The following STRN4 variants were observed in gnomAD, a reference collection of about 807,000 sequenced individuals.
The protein encoded by STRN4 is striatin-4.
Under a neutral mutation model 77.9 loss-of-function variants are expected in STRN4, and 27 were observed. The observed-to-expected ratio is 0.35, with a 90% CI of 0.26 to 0.48. STRN4 has a LOEUF of 0.48. STRN4 is among the 20% of genes least tolerant of loss of function. The pLI is 0.99. For synonymous variants in STRN4, 466 were observed against 443.1 expected, an observed-to-expected ratio of 1.05 and a Z score of -0.65; for missense variants, 798 against 1,049.7, an observed-to-expected ratio of 0.76 and a Z score of 3.31.
At chr19:46,721,183 T>C (rs973102600) in intron 16 of STRN4, 3 of 159,678 alleles carry the variant, frequency 1.9e-5, no homozygotes, top group Non-Finnish European at 4.1e-5. Flanking sequence ...GCGGGAAAGG[T>C]CCTGAGGCAG....
At chr19:46,736,647 C>T (rs1336969880) in intron 4 of STRN4, among the ~76,000 whole-genome samples, 176 bp downstream of exon 4, 1 of 152,028 alleles carries the variant, frequency 6.6e-6, no homozygotes, top group East Asian at 1.9e-4. Flanking sequence ...GGTTTCCCTC[C>T]CTCTCCCCAG....
chr19:46,738,703 G>A lies in STRN4; in HGVS notation c.386+82C>T. 3.1e-6 allele frequency: 4 copies of A among 1,298,458 alleles called. No individual in the cohort carries two copies. The highest frequency in any genetic ancestry group is 2.3e-5 in the East Asian group (1 of 43,360). 80.4% of individuals were successfully genotyped at this position (1,298,458 alleles called of 1,614,324 possible). A position where few individuals can be genotyped will look rare whatever the true frequency, so the allele number is the denominator to read the frequency against. On this transcript the variant is annotated intron_variant, in intron 2 of 17. Transcript: ENST00000263280. This position sits in a 1 kb window ranked among gnomAD's most constrained non-coding sequence, Gnocchi z 4.5. ...GTCGACCCCAAATCTCCCTTAGCTG[G>A]AAGGAGGCGTGGCTGGTGGCCTCCT...
intron 6 of STRN4, among the ~76,000 whole-genome samples, chr19:46,729,115 A>G (rs987409212): frequency 1.3e-5 from 2 of 152,244 alleles, no homozygotes; most frequent in African/African-American, 4.8e-5. Flanking sequence ...CCGTGTGTGA[A>G]TATACGGAGG....
Position 46,738,895 on chromosome 19 carries a change from G to A in STRN4, c.283-7C>T, listed in dbSNP as rs34301473. 130,593 of 1,612,790 alleles carry A rather than the reference G, an allele frequency of 0.081. 5,601 individuals carry two copies. The highest frequency in any genetic ancestry group is 0.1 in the East Asian group (4,654 of 44,878). The stretch of plus-strand genomic sequence containing the variant: ...GAAGGAAGGCCACCTGAGCCTGGGA[G>A]GGCAGACAGGAGGCAAAGGGAGATA... On this transcript the variant is annotated splice_polypyrimidine_tract_variant and splice_region_variant and intron_variant, in intron 1 of 17. Coordinates refer to ENST00000263280, the MANE Select transcript of STRN4 (RefSeq NM_013403.3). The surrounding 1 kb of genome is among the most constrained non-coding windows in gnomAD (Gnocchi z 4.5).
rs116342787 is a variant in STRN4, at chr19:46,726,697, C to T, written c.1248+755G>A. ...AGAGGGCCAGGTTCCGGAGAGATGACGAGCAGAGTACCAGGCAAGCCTCAG... is the reference window on the plus strand; with the variant it reads ...AGAGGGCCAGGTTCCGGAGAGATGATGAGCAGAGTACCAGGCAAGCCTCAG... On this transcript the variant is annotated intron_variant, in intron 9 of 17. Transcript: ENST00000263280. Among the ~76,000 whole-genome samples, 1,167 of 152,270 alleles carry T rather than the reference C, an allele frequency of 7.7e-3. 13 individuals are homozygous for T. Among genetic ancestry groups the T allele is most frequent in the African/African-American group, 0.026 (1,074 of 41,548 alleles).
rs1234157364 is a variant in STRN4, at chr19:46,725,382, G to A, written c.1425-3C>T. 6.2e-7 allele frequency: 1 copy of A among 1,614,032 alleles called. No individual in the cohort carries two copies. The highest frequency in any genetic ancestry group is 1.3e-5 in the African/African-American group (1 of 74,922). On this transcript the variant is annotated splice_polypyrimidine_tract_variant and splice_region_variant and intron_variant, in intron 10 of 17. Coordinates refer to ENST00000263280, the MANE Select transcript of STRN4 (RefSeq NM_013403.3). ...GTTCCACATCTAGCGCCGCATTCCT[G>A]TGGGATGACAGAGGAGCCTGATGTC...
At position 46,739,543 on chromosome 19, in the gene STRN4, C is replaced by T. The variant is rs544520920; in HGVS notation, c.283-655G>A. ...CTGCTGGCTTGAGCTGCCCCGTCTG[C>T]TCCAGTCTGTCAACAGGTCATTTGG... On this transcript the variant is annotated intron_variant, in intron 1 of 17. Transcript: ENST00000263280. 238 of 154,746 alleles carry T rather than the reference C, an allele frequency of 1.5e-3. 1 individual carries two copies. The highest frequency in any genetic ancestry group is 1.5e-3 in the Non-Finnish European group (104 of 69,448). 9.6% of individuals were successfully genotyped at this position (154,746 alleles called of 1,614,324 possible).
intron 5 of STRN4, 55 bp downstream of exon 5, chr19:46,732,984 T>A: frequency 6.4e-7 from 1 of 1,562,116 alleles, no homozygotes; most frequent in South Asian, 1.2e-5. Context: ...GACCCTGGCC[T>A]TCACCAGCAG....
intron 7 of STRN4, 165 bp downstream of exon 7, chr19:46,728,453 C>T (rs1046935849): frequency 2.7e-5 from 25 of 926,216 alleles, no homozygotes; most frequent in South Asian, 5.4e-5. Flanking sequence ...GAGGGGCCGG[C>T]GGCCATGACC....
intron 6 of STRN4, among the ~76,000 whole-genome samples, chr19:46,730,290 C>T (rs1368095811): frequency 2.6e-5 from 4 of 152,156 alleles, no homozygotes; most frequent in Non-Finnish European, 4.4e-5. Context: ...CAGTCCCTCC[C>T]AGGGAGAGGT....
chr19:46,730,096 G>T (rs959261013), intron 6 of STRN4, among the ~76,000 whole-genome samples: 5 of 152,236 alleles, frequency 3.3e-5, no homozygotes, highest in African/African-American at 9.6e-5. Flanking sequence ...AATTCTCAGA[G>T]GGGTGGGAAG....
chr19:46,727,244 C>T (rs1054408815), intron 9 of STRN4, among the ~76,000 whole-genome samples: 6 of 151,858 alleles, frequency 4.0e-5, no homozygotes, highest in African/African-American at 1.5e-4. Context: ...AGTGGAGGAG[C>T]CGTGGAACTG....
At chr19:46,734,868 G>A (rs2054327326) in intron 4 of STRN4, among the ~76,000 whole-genome samples, 1 of 152,104 alleles carries the variant, frequency 6.6e-6, no homozygotes, top group Non-Finnish European at 1.5e-5. Context: ...GTTTTGCCGT[G>A]TTAGCCAGGA....
At chr19:46,735,125 G>T (rs1342730556) in intron 4 of STRN4, among the ~76,000 whole-genome samples, 1 of 151,968 alleles carries the variant, frequency 6.6e-6, no homozygotes, top group Non-Finnish European at 1.5e-5. Context: ...GGCCAACATG[G>T]TAAAACGCTG....
In STRN4 at chr19:46,746,354, G is replaced by A; in HGVS notation, c.77C>T (p.Pro26Leu). The A allele has an allele frequency of 1.6e-6, 2 of 1,223,656 alleles. No homozygotes were observed. Among genetic ancestry groups the A allele is most frequent in the Non-Finnish European group, 2.0e-6 (2 of 985,440 alleles). The allele number at this position is 1,223,656 out of a possible 1,614,324, so 75.8% of individuals were successfully genotyped here. ...GACCGGGGCCGCCCCAGTGGGGCCA[G>A]GGCCCGCGCCTGAGCCGAGCGGACG... Reference protein sequence around the residue: ...SCRPLGSGAGPGPTGAAPVSA... With the variant: ...SCRPLGSGAGLGPTGAAPVSA... Residue 26 changes from proline to leucine, a missense_variant, in exon 1 of 18, where the codon CCT becomes CTT. Physicochemically the swap from Pro to Leu is moderately conservative, Grantham distance 98. This residue lies in a region of STRN4 where 511 missense variants were observed against 575.9 expected (regional missense o/e 0.89). Transcript: ENST00000263280.
chr19:46,738,144 G>A lies in STRN4; in HGVS notation c.460+20C>T, dbSNP rs372223937. 50 of 1,613,082 alleles carry A rather than the reference G, an allele frequency of 3.1e-5. No individual in the cohort carries two copies. In the African/African-American group the frequency reaches 3.7e-4, roughly 12 times the overall value. On this transcript the variant is annotated intron_variant, in intron 3 of 17. Coordinates refer to ENST00000263280, the MANE Select transcript of STRN4 (RefSeq NM_013403.3). This position sits in a 1 kb window ranked among gnomAD's most constrained non-coding sequence, Gnocchi z 4.5. ...TTCTGCGGGAGGGTGCCGACAGTGC[G>A]AGCATCAGAGGGTGGGTACCTTGTT...
At chr19:46,740,401 G>A (rs981667278) in intron 1 of STRN4, 3 of 152,082 alleles carry the variant, frequency 2.0e-5, no homozygotes, top group Non-Finnish European at 4.4e-5. Context: ...CAACACATAT[G>A]TATATAAACA....
In STRN4 at chr19:46,722,818, C is replaced by A; in HGVS notation, c.1898G>T (p.Gly633Val). The A allele has an allele frequency of 6.2e-7, 1 of 1,613,758 alleles. No homozygotes were observed. Among genetic ancestry groups the A allele is most frequent in the Non-Finnish European group, 8.5e-7 (1 of 1,179,988 alleles). Reference protein sequence around the residue: ...GSALLTLESRGSSGPTQINQV... With the variant: ...GSALLTLESRVSSGPTQINQV... ...GATGTCAGCCCCCTTACCGCTGCTG[C>A]CCCGGGACTCCAGCGTGAGGAGGGC... Residue 633 changes from glycine to valine, a missense_variant, in exon 14 of 18, where the codon GGC becomes GTC. Physicochemically the swap from Gly to Val is moderately radical, Grantham distance 109. Transcript: ENST00000263280.
intron 5 of STRN4, chr19:46,732,323 A>G (rs1786810516): frequency 6.6e-6 from 1 of 152,570 alleles, no homozygotes; most frequent in Admixed American, 6.5e-5. Context: ...CTGGCTTCCC[A>G]CAACCCTGAG....
Sources: gnomAD v4.1 joint callset for allele counts (sites outside exome capture counted in the v4.1 genomes callset) on GRCh38, gnomAD v4.1.1 for gene constraint, gnomAD v4.1.1 regional missense constraint, Gnocchi (gnomAD v3.1) non-coding constraint, MANE v1.5 for transcripts, NCBI Gene and HGNC (gene_info 2026-07-23, HGNC 2026-07-21) for gene names.